PPP3CA: variants seen among roughly 807,000 people sequenced by gnomAD.
The protein encoded by PPP3CA is protein phosphatase 3 catalytic subunit alpha.
In PPP3CA, 14 loss-of-function variants were observed where a neutral mutation model predicts 66.5. The observed-to-expected ratio is 0.21, with a 90% CI of 0.14 to 0.33. PPP3CA has a LOEUF of 0.33. Among genes scored for constraint, PPP3CA ranks in the 10% least tolerant of loss-of-function variants. PPP3CA has a pLI of 1.00. For synonymous variants in PPP3CA, 232 were observed against 226.2 expected (o/e 1.03, Z -0.23); for missense variants, 317 against 639.5 (o/e 0.50, Z 5.44).
rs950556119 is a variant in PPP3CA, at chr4:101,040,031, T to C, written c.1241+451A>G. Reference sequence around the variant, plus strand: ...GGAAATTGAAACAGTAATTTTTCTCTCAATAATTAGAATAACATAGATTCA... The same window carrying C: ...GGAAATTGAAACAGTAATTTTTCTCCCAATAATTAGAATAACATAGATTCA... On this transcript the variant is annotated intron_variant, in intron 11 of 13. Coordinates refer to ENST00000394854, the MANE Select transcript of PPP3CA (RefSeq NM_000944.5). Among the ~76,000 whole-genome samples, 6 of 152,142 alleles carry C rather than the reference T, an allele frequency of 3.9e-5. 1 individual carries two copies. Among genetic ancestry groups the C allele is most frequent in the Non-Finnish European group, 8.8e-5 (6 of 68,016 alleles).
chr4:101,306,233 TAGAG>T (rs1728531938), intron 1 of PPP3CA, among the ~76,000 whole-genome samples: 2 of 152,132 alleles, frequency 1.3e-5, no homozygotes, highest in African/African-American at 4.8e-5. Context: ...GGCAGCTAAT[TAGAG>T]AGGGCACTTT....
intron 10 of PPP3CA, among the ~76,000 whole-genome samples, chr4:101,047,099 A>G (rs1367455228): frequency 2.6e-5 from 4 of 152,162 alleles, no homozygotes; most frequent in African/African-American, 7.2e-5. Flanking sequence ...ACCTAACTTA[A>G]CAATAACAAA....
intron 10 of PPP3CA, among the ~76,000 whole-genome samples, chr4:101,060,488 T>G (rs1190563736): frequency 1.3e-5 from 2 of 152,150 alleles, no homozygotes; most frequent in Non-Finnish European, 2.9e-5. Context: ...CCCCTTCATC[T>G]TTAACTTCAT....
At chr4:101,281,457 G>A (rs1359489260) in intron 1 of PPP3CA, among the ~76,000 whole-genome samples, 4 of 152,162 alleles carry the variant, frequency 2.6e-5, no homozygotes, top group African/African-American at 9.7e-5. Context: ...GAGGGGGTGA[G>A]ATCCAGTAAA....
At chr4:101,322,611 T>C (rs1045626832) in intron 1 of PPP3CA, among the ~76,000 whole-genome samples, 3 of 152,080 alleles carry the variant, frequency 2.0e-5, no homozygotes, top group African/African-American at 7.2e-5. Context: ...GGTTTCACCA[T>C]GCTGGCCAGG....
At chr4:101,081,308 A>G (rs1729429534) in intron 7 of PPP3CA, among the ~76,000 whole-genome samples, 1 of 152,262 alleles carries the variant, frequency 6.6e-6, no homozygotes, top group African/African-American at 2.4e-5. Context: ...TTAGAATTTT[A>G]TTTATTACCA....
intron 1 of PPP3CA, among the ~76,000 whole-genome samples, chr4:101,279,495 G>C (rs886131713): frequency 6.6e-6 from 1 of 152,178 alleles, no homozygotes. Flanking sequence ...TAGAATTTCC[G>C]TTAGTAAAGA....
chr4:101,138,760 G>A (rs1306975630), intron 2 of PPP3CA, among the ~76,000 whole-genome samples: 1 of 152,078 alleles, frequency 6.6e-6, no homozygotes. Context: ...ACTATTCATT[G>A]TATACTGATA....
chr4:101,199,465 A>T (rs1305736015), intron 1 of PPP3CA, among the ~76,000 whole-genome samples: 2 of 151,964 alleles, frequency 1.3e-5, no homozygotes, highest in African/African-American at 4.8e-5. Flanking sequence ...TTCCAAAACA[A>T]TTTTTTTTGT....
intron 2 of PPP3CA, among the ~76,000 whole-genome samples, chr4:101,186,966 T>C (rs1006483012): frequency 2.0e-5 from 3 of 152,148 alleles, no homozygotes; most frequent in Non-Finnish European, 4.4e-5. Flanking sequence ...TGTGCTGTGG[T>C]TGCAGCGTTT....
intron 1 of PPP3CA, among the ~76,000 whole-genome samples, chr4:101,269,703 T>G (rs1372865166): frequency 6.6e-6 from 1 of 152,058 alleles, no homozygotes; most frequent in Non-Finnish European, 1.5e-5. Flanking sequence ...TAATATCCAC[T>G]TTGTTTCATA....
chr4:101,273,963 A>T (rs1033102849), intron 1 of PPP3CA, among the ~76,000 whole-genome samples: 1 of 152,166 alleles, frequency 6.6e-6, no homozygotes, highest in Non-Finnish European at 1.5e-5. Context: ...GCTGAAAAAA[A>T]ATCTTTATAC....
intron 1 of PPP3CA, among the ~76,000 whole-genome samples, chr4:101,310,228 G>A (rs986621873): frequency 1.3e-5 from 2 of 151,998 alleles, no homozygotes; most frequent in African/African-American, 2.4e-5. Flanking sequence ...GGCTTAAATC[G>A]AAATACCACG....
At chr4:101,071,233 T>C (rs1309260295) in intron 8 of PPP3CA, among the ~76,000 whole-genome samples, 1 of 152,210 alleles carries the variant, frequency 6.6e-6, no homozygotes, top group Non-Finnish European at 1.5e-5. Flanking sequence ...AACTTCAAGC[T>C]TGGACTTTGT....
In PPP3CA at chr4:101,039,804, A is replaced by G. The variant is rs1266608716; in HGVS notation, c.1241+678T>C. 2.1e-5 allele frequency among the ~76,000 whole-genome samples: 3 copies of G among 144,360 alleles called. 1 individual carries two copies. Among genetic ancestry groups the G allele is most frequent in the South Asian group, 4.7e-4 (2 of 4,260 alleles). 94.7% of individuals were successfully genotyped at this position (144,360 alleles called of 152,430 possible). A position where few individuals can be genotyped will look rare whatever the true frequency, so the allele number is the denominator to read the frequency against. ...AATATTTCCCAAGGTGTTCCTATTT[A>G]CTCGCTAATATGTATCATTTTGAAT... On this transcript the variant is annotated intron_variant, in intron 11 of 13. Transcript: ENST00000394854.
At chr4:101,226,846 A>G (rs986335650) in intron 1 of PPP3CA, among the ~76,000 whole-genome samples, 2 of 151,780 alleles carry the variant, frequency 1.3e-5, no homozygotes, top group Non-Finnish European at 2.9e-5. Context: ...AAATGCTTGA[A>G]GAATACTGAT....
intron 1 of PPP3CA, among the ~76,000 whole-genome samples, chr4:101,299,113 T>G (rs78568764): frequency 6.9e-4 from 60 of 86,834 alleles, no homozygotes; most frequent in South Asian, 3.6e-3. Context: ...ATCGTTTTTT[T>G]TTTTTTTTTT....
intron 6 of PPP3CA, among the ~76,000 whole-genome samples, chr4:101,084,888 T>C (rs1729595242): frequency 6.6e-6 from 1 of 152,140 alleles, no homozygotes; most frequent in Non-Finnish European, 1.5e-5. Context: ...TCTTAGAAAC[T>C]GGAGAGGATG....
chr4:101,118,484 G>A (rs1475993183), intron 2 of PPP3CA, among the ~76,000 whole-genome samples: 1 of 141,476 alleles, frequency 7.1e-6, no homozygotes, highest in Non-Finnish European at 1.5e-5. Context: ...ATTATCACAA[G>A]GGTTTGCTAT....
Sources: allele counts gnomAD v4.1 joint callset (sites outside exome capture counted in the v4.1 genomes callset), GRCh38; gene constraint gnomAD v4.1.1; transcripts MANE v1.5; gene names NCBI Gene and HGNC (gene_info 2026-07-23, HGNC 2026-07-21).